GALNT14: variants seen among roughly 807,000 people sequenced by gnomAD.
The protein encoded by GALNT14 is UDP-GalNAc:polypeptide N-acetylgalactosaminyltransferase 14.
GALNT14 carries 60 observed loss-of-function variants against 77.5 expected under a neutral mutation model. The observed-to-expected ratio is 0.77, with a 90% CI of 0.63 to 0.96. The LOEUF is 0.96. Among genes scored for constraint, GALNT14 ranks in the 40% least tolerant of loss-of-function variants. The pLI, the probability that GALNT14 is intolerant of heterozygous loss-of-function variation, is 0.00. For synonymous variants in GALNT14, 280 were observed against 281.7 expected (o/e 0.99, Z 0.06); for missense variants, 710 against 731.0 (o/e 0.97, Z 0.33).
chr2:31,042,594 C>T (rs903782051), intron 1 of GALNT14, among the ~76,000 whole-genome samples: 7 of 152,164 alleles, frequency 4.6e-5, no homozygotes, highest in Non-Finnish European at 1.5e-5. Context: ...TGGTCCATCT[C>T]CATTGATGGC....
At chr2:31,062,879 C>T (rs537019598) in intron 1 of GALNT14, among the ~76,000 whole-genome samples, 2 of 152,136 alleles carry the variant, frequency 1.3e-5, no homozygotes, top group Non-Finnish European at 2.9e-5. Flanking sequence ...AGTGTCTGTT[C>T]ATATTCTTCA....
At chr2:30,948,340 T>C (rs1204371277) in intron 6 of GALNT14, among the ~76,000 whole-genome samples, 1 of 152,190 alleles carries the variant, frequency 6.6e-6, no homozygotes, top group African/African-American at 2.4e-5. Context: ...TCTAACCCCT[T>C]GGAATGTCCT....
At chr2:31,104,515 C>G (rs72795215) in intron 1 of GALNT14, among the ~76,000 whole-genome samples, 2,453 of 152,216 alleles carry the variant, frequency 0.016, 32 homozygotes, top group South Asian at 0.054. Flanking sequence ...AGATCCTATG[C>G]GAATTTCTGA....
At chr2:31,114,381 C>T (rs187901802) in intron 1 of GALNT14, among the ~76,000 whole-genome samples, 24 of 151,758 alleles carry the variant, frequency 1.6e-4, no homozygotes, top group Admixed American at 1.5e-3. Flanking sequence ...CTAAAGGAGA[C>T]AAAGGGCAAC....
At chr2:30,956,753 C>T (rs1400956011) in intron 4 of GALNT14, among the ~76,000 whole-genome samples, 3 of 152,128 alleles carry the variant, frequency 2.0e-5, no homozygotes, top group African/African-American at 7.2e-5. Context: ...ATGATCCTCC[C>T]GCCTCAGCCT....
At chr2:30,948,496 T>C (rs1666836787) in intron 6 of GALNT14, among the ~76,000 whole-genome samples, 1 of 152,230 alleles carries the variant, frequency 6.6e-6, no homozygotes. Flanking sequence ...TGAGGGTAGT[T>C]AGCCATGTCT....
intron 2 of GALNT14, among the ~76,000 whole-genome samples, chr2:30,976,911 C>T (rs1439519651): frequency 1.3e-5 from 2 of 152,028 alleles, no homozygotes; most frequent in Non-Finnish European, 2.9e-5. Context: ...GCTGCAATTC[C>T]TCTTCTCATG....
chr2:31,019,888 C>G (rs1248021648), intron 1 of GALNT14, among the ~76,000 whole-genome samples: 1 of 152,170 alleles, frequency 6.6e-6, no homozygotes, highest in Admixed American at 6.5e-5. Context: ...GAACAGCTTT[C>G]TACAATAGAA....
chr2:30,972,157 TG>T (rs1270184492), intron 2 of GALNT14, among the ~76,000 whole-genome samples: 1 of 152,154 alleles, frequency 6.6e-6, no homozygotes, highest in Non-Finnish European at 1.5e-5. Flanking sequence ...AACTCTGAAG[TG>T]GAGAGGAGAG....
chr2:31,080,824 G>A (rs915320933), intron 1 of GALNT14, among the ~76,000 whole-genome samples: 3 of 152,172 alleles, frequency 2.0e-5, no homozygotes, highest in Non-Finnish European at 4.4e-5. Context: ...TTACGTTCTA[G>A]ATCCTAGGAA....
intron 1 of GALNT14, among the ~76,000 whole-genome samples, chr2:31,008,565 T>C (rs1670819505): frequency 6.6e-6 from 1 of 152,130 alleles, no homozygotes; most frequent in Non-Finnish European, 1.5e-5. Flanking sequence ...AAAGAGTCAC[T>C]CTCAGCACAT....
intron 1 of GALNT14, among the ~76,000 whole-genome samples, chr2:31,111,669 A>G (rs1159626477): frequency 1.3e-5 from 2 of 152,224 alleles, no homozygotes; most frequent in Admixed American, 6.5e-5. Flanking sequence ...TCTGACATGC[A>G]TCATCCCTTT....
chr2:30,895,892 T>C, the GALNT14 span, among the ~76,000 whole-genome samples: 3 of 152,182 alleles, frequency 2.0e-5, no homozygotes, highest in Non-Finnish European at 4.4e-5. Context: ...AGCAGGTGTC[T>C]GGTAAATATT....
chr2:31,109,721 G>C (rs770141461), intron 1 of GALNT14, among the ~76,000 whole-genome samples: 3 of 152,178 alleles, frequency 2.0e-5, no homozygotes, highest in Admixed American at 6.5e-5. Context: ...TCTCAATAAT[G>C]TGTTATGAGG....
chr2:31,052,649 G>A (rs1673952025), intron 1 of GALNT14, among the ~76,000 whole-genome samples: 1 of 151,398 alleles, frequency 6.6e-6, no homozygotes, highest in Non-Finnish European at 1.5e-5. Flanking sequence ...AGGTGGGAGA[G>A]CAACTCCAGC....
intron 1 of GALNT14, among the ~76,000 whole-genome samples, chr2:31,088,334 C>T (rs1676558682): frequency 6.6e-6 from 1 of 152,216 alleles, no homozygotes; most frequent in East Asian, 1.9e-4. Context: ...AGTACTCTGT[C>T]TCCCTCAGTC....
At chr2:31,125,156 G>A (rs1573384379) in intron 1 of GALNT14, 2 of 1,548,534 alleles carry the variant, frequency 1.3e-6, no homozygotes, top group East Asian at 2.4e-5. Flanking sequence ...CAACCTACCT[G>A]TAGGAAGATG....
intron 8 of GALNT14, among the ~76,000 whole-genome samples, chr2:30,943,838 G>T (rs1208381841): frequency 1.3e-5 from 2 of 152,122 alleles, no homozygotes; most frequent in African/African-American, 4.8e-5. Context: ...TGAGACCAAG[G>T]TCCTACCCCA....
chr2:30,971,319 G>T (rs1157428924), intron 2 of GALNT14, among the ~76,000 whole-genome samples: 1 of 152,126 alleles, frequency 6.6e-6, no homozygotes, highest in Non-Finnish European at 1.5e-5. Flanking sequence ...TATTAAAGAT[G>T]CAGTGTTTTA....
Sources: gnomAD v4.1 joint callset for allele counts (sites outside exome capture counted in the v4.1 genomes callset) on GRCh38, gnomAD v4.1.1 for gene constraint, MANE v1.5 for transcripts, NCBI Gene and HGNC (gene_info 2026-07-23, HGNC 2026-07-21) for gene names.